Variants in GALNT13 observed in about 807,000 individuals in gnomAD.
GALNT13 encodes UDP-GalNAc:polypeptide N-acetylgalactosaminyltransferase 13.
A neutral mutation model predicts 64.2 loss-of-function variants in GALNT13; 28 were observed. That is an observed-to-expected ratio of 0.44 (90% CI 0.32 to 0.60). GALNT13 has a LOEUF of 0.60. GALNT13 is among the 20% of genes least tolerant of loss of function. GALNT13 has a pLI of 0.05. For missense variants in GALNT13, 577 were observed against 669.8 expected (o/e 0.86, Z 1.53); for synonymous variants, 214 against 224.6 (o/e 0.95, Z 0.42).
chr2:153,758,410 A>T, the GALNT13 span, among the ~76,000 whole-genome samples: 1 of 151,918 alleles, frequency 6.6e-6, no homozygotes, highest in Non-Finnish European at 1.5e-5. Flanking sequence ...TATATTTTGA[A>T]TTCAGATAGT....
chr2:153,756,434 T>TA, the GALNT13 span, among the ~76,000 whole-genome samples: 4 of 152,138 alleles, frequency 2.6e-5, no homozygotes, highest in African/African-American at 9.6e-5. Context: ...AGCTATTTTA[T>TA]AAAATCAAAC....
chr2:154,328,059 A>T (rs906718871), intron 9 of GALNT13, among the ~76,000 whole-genome samples: 5 of 152,142 alleles, frequency 3.3e-5, no homozygotes, highest in African/African-American at 1.2e-4. Flanking sequence ...AAACATTGAT[A>T]TGATAAAATG....
chr2:154,329,476 G>A (rs1277118659), intron 9 of GALNT13, among the ~76,000 whole-genome samples: 6 of 152,210 alleles, frequency 3.9e-5, no homozygotes, highest in Admixed American at 1.3e-4. Context: ...AGTTTTTTAC[G>A]TGGTTATCAG....
the GALNT13 span, among the ~76,000 whole-genome samples, chr2:153,324,080 C>G: frequency 6.6e-6 from 1 of 152,140 alleles, no homozygotes; most frequent in Non-Finnish European, 1.5e-5. Context: ...TTACTTTGGG[C>G]AGTATGGCCA....
chr2:154,287,250 C>A, intron 8 of GALNT13: 1 of 915,564 alleles, frequency 1.1e-6, no homozygotes, highest in Non-Finnish European at 1.8e-6. Context: ...ATCATCTTTG[C>A]CGACGGCAAC....
intron 4 of GALNT13, among the ~76,000 whole-genome samples, chr2:154,147,381 T>TTATATA (rs34053196): frequency 1.8e-3 from 266 of 144,234 alleles, no homozygotes; most frequent in East Asian, 6.4e-3. Context: ...GAATGGAATT[T>TTATATA]TATATATATA....
At chr2:153,349,588 T>C in the GALNT13 span, among the ~76,000 whole-genome samples, 15 of 152,216 alleles carry the variant, frequency 9.9e-5, no homozygotes, top group Non-Finnish European at 1.9e-4. Context: ...AGGAATGATG[T>C]TGAGAATCAG....
the GALNT13 span, among the ~76,000 whole-genome samples, chr2:153,441,876 A>T: frequency 6.6e-6 from 1 of 152,184 alleles, no homozygotes; most frequent in African/African-American, 2.4e-5. Context: ...CTAAATATGC[A>T]ATCTTGTCAT....
At chr2:153,145,420 G>A in the GALNT13 span, among the ~76,000 whole-genome samples, 1 of 151,796 alleles carries the variant, frequency 6.6e-6, no homozygotes. Context: ...TACCAGAAAT[G>A]GTCTAGTTTA....
At chr2:153,948,770 C>T (rs1198151333) in intron 3 of GALNT13, among the ~76,000 whole-genome samples, 2 of 152,082 alleles carry the variant, frequency 1.3e-5, no homozygotes, top group South Asian at 2.1e-4. Flanking sequence ...AACCAAATAG[C>T]TCATGTTCTC....
chr2:153,230,135 A>G, the GALNT13 span, among the ~76,000 whole-genome samples: 196 of 152,352 alleles, frequency 1.3e-3, no homozygotes, highest in African/African-American at 4.5e-3. Flanking sequence ...ACCCTAAGCA[A>G]TAAATTGTCT....
rs1001017176 is a variant in GALNT13, at chr2:154,086,304, C to T, written c.143-54033C>T. The stretch of plus-strand genomic sequence containing the variant: ...CCCCACACTTACCTGCCCATGATAT[C>T]GAAATATATAATTATATGTTATACA... On this transcript the variant is annotated intron_variant, in intron 3 of 12. Coordinates refer to ENST00000392825, the MANE Select transcript of GALNT13 (RefSeq NM_052917.4). Among the ~76,000 whole-genome samples the T allele has an allele frequency of 5.8e-5, 8 of 136,820 alleles. No individual in the cohort carries two copies. The South Asian group carries it at 1.5e-3, about 26-fold the overall frequency. The allele number at this position is 136,820 out of a possible 152,430, so 89.8% of individuals were successfully genotyped here.
In GALNT13 at chr2:154,061,736, C is replaced by T. The variant is rs1189001152; in HGVS notation, c.143-78601C>T. On this transcript the variant is annotated intron_variant, in intron 3 of 12. Transcript: ENST00000392825. The stretch of plus-strand genomic sequence containing the variant: ...CCCAAATGTTTCAGGATGTTTAATT[C>T]AACATGGAATTTTTTTATTTCCATT... Among the ~76,000 whole-genome samples the T allele has an allele frequency of 3.2e-5, 3 of 94,830 alleles. 1 individual carries two copies. The highest frequency in any genetic ancestry group is 1.9e-4 in the Admixed American group (2 of 10,790). 62.2% of individuals were successfully genotyped at this position (94,830 alleles called of 152,430 possible).
the GALNT13 span, among the ~76,000 whole-genome samples, chr2:153,496,300 C>T: frequency 6.6e-6 from 1 of 152,072 alleles, no homozygotes; most frequent in Non-Finnish European, 1.5e-5. Flanking sequence ...TCCCTAATGG[C>T]AGAGGGAGAT....
the GALNT13 span, among the ~76,000 whole-genome samples, chr2:153,566,348 GTTTTTTTTTTTTTTT>G: frequency 1.1e-4 from 8 of 74,826 alleles, 1 homozygote; most frequent in African/African-American, 4.5e-4. Flanking sequence ...TTCTAATCAC[GTTTTTTTTTTTTTTT>G]TTTTTTTTTG....
chr2:153,082,596 TATATATATATATATATATATATACAC>T, the GALNT13 span, among the ~76,000 whole-genome samples: 11 of 45,484 alleles, frequency 2.4e-4, no homozygotes, highest in Non-Finnish European at 2.5e-4. Context: ...TATATATATA[TATATATATATATATATATATATACAC>T]ACACACACAC....
chr2:153,866,214 T>G, the GALNT13 span, among the ~76,000 whole-genome samples: 1 of 131,108 alleles, frequency 7.6e-6, no homozygotes, highest in East Asian at 2.3e-4. Context: ...TAATGCTAGA[T>G]GACGAGTTAG....
At chr2:154,182,457 CT>C (rs1261288580) in intron 4 of GALNT13, among the ~76,000 whole-genome samples, 2 of 151,760 alleles carry the variant, frequency 1.3e-5, no homozygotes, top group Non-Finnish European at 2.9e-5. Context: ...AATATTGGTT[CT>C]ATTTTGTGGT....
At chr2:154,296,412 C>G (rs184352408) in intron 8 of GALNT13, among the ~76,000 whole-genome samples, 13 of 152,204 alleles carry the variant, frequency 8.5e-5, no homozygotes, top group African/African-American at 2.7e-4. Context: ...ACCAGTCTCT[C>G]CATTCAGTTA....
Sources: allele counts gnomAD v4.1 joint callset (sites outside exome capture counted in the v4.1 genomes callset), GRCh38; gene constraint gnomAD v4.1.1; transcripts MANE v1.5; gene names NCBI Gene and HGNC (gene_info 2026-07-23, HGNC 2026-07-21).